The following LILRB4 variants were observed in gnomAD, a reference collection of about 807,000 sequenced individuals.
LILRB4 encodes leukocyte immunoglobulin like receptor B4.
A neutral mutation model predicts 55.2 loss-of-function variants in LILRB4; 49 were observed. The ratio of observed to expected loss-of-function variants is 0.89; its 90% CI spans 0.71 to 1.13. LILRB4 has a LOEUF of 1.13. Ranked by LOEUF, LILRB4 falls within the 50% of genes most tolerant of loss-of-function variation. The pLI, the probability that LILRB4 is intolerant of heterozygous loss-of-function variation, is 0.00. For synonymous variants in LILRB4, 229 were observed against 213.8 expected (o/e 1.07, Z -0.62); for missense variants, 590 against 555.2 (o/e 1.06, Z -0.63).
In LILRB4 at chr19:54,665,858, C is replaced by T; in HGVS notation, c.801C>T (p.Val267=). ...AGGTACTGATCGGGGTCTTGGTGGT[C>T]TCCATCCTGCTTCTCTCCCTCCTCC... Residue 267 remains valine, a synonymous_variant, in exon 7 of 12, where the codon GTC becomes GTT. Transcript: ENST00000430952. This position sits in a 1 kb window ranked among gnomAD's most constrained non-coding sequence, Gnocchi z 5.5. 1.2e-6 allele frequency: 2 copies of T among 1,613,652 alleles called. No individual in the cohort carries two copies. Among genetic ancestry groups the T allele is most frequent in the Non-Finnish European group, 1.7e-6 (2 of 1,179,820 alleles).
chr19:54,665,121 C>T lies in LILRB4; in HGVS notation c.707-9C>T. 6.2e-7 allele frequency: 1 copy of T among 1,609,778 alleles called. No homozygotes were observed. The highest frequency in any genetic ancestry group is 1.1e-5 in the South Asian group (1 of 90,710). On this transcript the variant is annotated splice_polypyrimidine_tract_variant and intron_variant, in intron 5 of 11. Coordinates refer to ENST00000430952, the Ensembl canonical transcript of LILRB4. The surrounding 1 kb of genome is among the most constrained non-coding windows in gnomAD (Gnocchi z 5.5). ...CAGCCCCAGCCCTCACATCCCTGTT[C>T]TAACCCAGCAGGCCCTGAGGACCAG...
intron 11 of LILRB4, 31 bp from the exon 12 acceptor site, chr19:54,667,842 G>T: frequency 7.4e-7 from 1 of 1,343,950 alleles, no homozygotes; most frequent in South Asian, 1.2e-5. Flanking sequence ...CCCCCACCAC[G>T]TTCCTTCCCT....
Position 54,666,887 on chromosome 19 carries a change from C to A in LILRB4, c.1041+138C>A, listed in dbSNP as rs2065296520. The A allele has an allele frequency of 1.0e-5, 9 of 880,360 alleles. No homozygotes were observed. Among genetic ancestry groups the A allele is most frequent in the East Asian group, 2.4e-5 (1 of 41,452 alleles). The allele number at this position is 880,360 out of a possible 1,614,324, so 54.5% of individuals were successfully genotyped here. On this transcript the variant is annotated intron_variant, in intron 10 of 11. Transcript: ENST00000430952. This position sits in a 1 kb window ranked among gnomAD's most constrained non-coding sequence, Gnocchi z 4.8. The stretch of plus-strand genomic sequence containing the variant: ...TCCTTGTCCAGCACGCTGCCTCCTG[C>A]CTGCTGGGACCTCACTCTCTCCTGC...
At position 54,665,099 on chromosome 19, in the gene LILRB4, C is replaced by G; in HGVS notation, c.707-31C>G. ...CGAGCTGATGTGGGGAGCAGGGCAG[C>G]CCCAGCCCTCACATCCCTGTTCTAA... On this transcript the variant is annotated intron_variant, in intron 5 of 11. Transcript: ENST00000430952. This position sits in a 1 kb window ranked among gnomAD's most constrained non-coding sequence, Gnocchi z 5.5. The G allele has an allele frequency of 6.2e-7, 1 of 1,607,880 alleles. No homozygotes were observed. Among genetic ancestry groups the G allele is most frequent in the African/African-American group, 1.3e-5 (1 of 74,798 alleles).
At chr19:54,667,247 G>A (rs2065322561) in intron 10 of LILRB4, 1 of 577,282 alleles carries the variant, frequency 1.7e-6, no homozygotes, top group South Asian at 1.6e-5. Flanking sequence ...GTAAAGGGCA[G>A]AGAGTGTGGG....
intron 1 of LILRB4, among the ~76,000 whole-genome samples, chr19:54,663,297 T>A (rs1049922417): frequency 6.6e-6 from 1 of 151,400 alleles, no homozygotes; most frequent in Non-Finnish European, 1.5e-5. Context: ...ATACAAAAAA[T>A]TAGCCGGGGG....
At chr19:54,668,147 C>A in exon 12 of LILRB4, 2 of 1,098,100 alleles carry the variant, frequency 1.8e-6, no homozygotes, top group Admixed American at 2.4e-5. Flanking sequence ...TAGAAGATTC[C>A]GGGAACGTTG....
At position 54,665,584 on chromosome 19, in the gene LILRB4, C is replaced by T. The variant is rs2065228381; in HGVS notation, c.758-231C>T. 6.6e-6 allele frequency among the ~76,000 whole-genome samples: 1 copy of T among 152,180 alleles called. No homozygotes were observed. The highest frequency in any genetic ancestry group is 1.9e-4 in the East Asian group (1 of 5,202). On this transcript the variant is annotated intron_variant, in intron 6 of 11. Coordinates refer to ENST00000430952, the Ensembl canonical transcript of LILRB4. This position sits in a 1 kb window ranked among gnomAD's most constrained non-coding sequence, Gnocchi z 5.5. ...CAGCTCAGACTCCCGGGTTTCCTTC[C>T]CAGCTCTGCCGCTTCCTGGCTGGAG... is the stretch of plus-strand genomic sequence containing the variant.
chr19:54,666,449 CAGAGAAGG>C lies in LILRB4; in HGVS notation c.988+14_988+21del. ...GGAGAAAACTTCTGTGAGTGAGAGGCAGAGAAGGTGCACCTGGGGTGGAGCTGGGGGTC... is the reference window on the plus strand; with the variant it reads ...GGAGAAAACTTCTGTGAGTGAGAGGCTGCACCTGGGGTGGAGCTGGGGGTC... On this transcript the variant is annotated intron_variant, in intron 9 of 11. Transcript: ENST00000430952. This position sits in a 1 kb window ranked among gnomAD's most constrained non-coding sequence, Gnocchi z 4.8. 1 of 1,614,024 alleles carries C rather than the reference CAGAGAAGG, an allele frequency of 6.2e-7. No individual in the cohort carries two copies. The highest frequency in any genetic ancestry group is 8.5e-7 in the Non-Finnish European group (1 of 1,179,892).
rs372007098 is a variant in LILRB4 at position 54,663,086 on chromosome 19, G to T, written c.34+19G>T. ...TGCCTCGGTGAGATTTAAAGAGGGG[G>T]AGGGGAGACCCGAGTCTTGGAGGAA... On this transcript the variant is annotated intron_variant, in intron 1 of 11. Coordinates refer to ENST00000430952, the Ensembl canonical transcript of LILRB4. 4 of 1,606,144 alleles carry T rather than the reference G, an allele frequency of 2.5e-6. No individual in the cohort carries two copies. Among genetic ancestry groups the T allele is most frequent in the Non-Finnish European group, 3.4e-6 (4 of 1,175,268 alleles).
chr19:54,663,650 C>T (rs2065118714), intron 2 of LILRB4, 83 bp downstream of exon 2: 4 of 1,610,886 alleles, frequency 2.5e-6, no homozygotes, highest in African/African-American at 1.3e-5. Context: ...GAGGAGACAG[C>T]AGTTCTGGGT....
At chr19:54,664,302 G>A (rs868643322) in exon 4 of LILRB4, 2 of 1,614,036 alleles carry the variant, frequency 1.2e-6, no homozygotes, top group African/African-American at 2.7e-5. Flanking sequence ...TCTGATCAAG[G>A]AGCGGGCAGC....
intron 5 of LILRB4, 128 bp downstream of exon 5, chr19:54,664,977 C>G (rs1377729600): frequency 1.5e-6 from 2 of 1,350,436 alleles, no homozygotes; most frequent in Admixed American, 3.8e-5. Context: ...GGGAGTCGGG[C>G]AGCGACTTGG....
chr19:54,667,856 A>G lies in LILRB4; in HGVS notation c.1198-17A>G. ...ACCCCCACCACGTTCCTTCCCTCTC[A>G]CTCTCCCCCGCTGCAGGCTGCTGCA... On this transcript the variant is annotated splice_polypyrimidine_tract_variant and intron_variant, in intron 11 of 11. Transcript: ENST00000430952. 6.7e-7 allele frequency: 1 copy of G among 1,495,032 alleles called. No individual in the cohort carries two copies. Among genetic ancestry groups the G allele is most frequent in the Non-Finnish European group, 8.9e-7 (1 of 1,125,862 alleles). The allele number at this position is 1,495,032 out of a possible 1,614,324, so 92.6% of individuals were successfully genotyped here. A position where few individuals can be genotyped will look rare whatever the true frequency, so the allele number is the denominator to read the frequency against.
At chr19:54,663,962 A>G in exon 3 of LILRB4, 1 of 1,614,124 alleles carries the variant, frequency 6.2e-7, no homozygotes, top group Admixed American at 1.7e-5. Flanking sequence ...AGGACTATGC[A>G]GGGAGATACC....
intron 10 of LILRB4, 157 bp from the exon 11 acceptor site, chr19:54,667,478 A>C: frequency 7.1e-7 from 1 of 1,399,640 alleles, no homozygotes; most frequent in Non-Finnish European, 9.5e-7. Context: ...GACCAGAACC[A>C]CAGGGAGGGA....
Position 54,667,544 on chromosome 19 carries a change from T to C in LILRB4, c.1042-94T>C, listed in dbSNP as rs563989694. 1.2e-5 allele frequency: 19 copies of C among 1,576,186 alleles called. No individual in the cohort carries two copies. The East Asian group carries it at 2.2e-4, about 19-fold the overall frequency. On this transcript the variant is annotated intron_variant, in intron 10 of 11. Transcript: ENST00000430952. Reference sequence around the variant, plus strand: ...CCCTGAGATTCCGTCAGGAAAGGGATGTAATCGGATCACCCTGGGAACAGT... The same window carrying C: ...CCCTGAGATTCCGTCAGGAAAGGGACGTAATCGGATCACCCTGGGAACAGT...
rs146936423 is a variant in LILRB4 at position 54,667,710 on chromosome 19, G to A, written c.1114G>A (p.Ala372Thr). ...ACACTCCAGACCTAGGAGAGAAATG[G>A]CCTCTCCTCCCTCCCCACTGTCTGG... The change falls in exon 11 of 12, where the codon GCC becomes ACC. Residue 372 changes from alanine (A) to threonine (T), a missense_variant. Transcript: ENST00000430952. 1.3e-5 allele frequency: 21 copies of A among 1,610,896 alleles called. No homozygotes were observed. The East Asian group carries it at 3.3e-4, about 26-fold the overall frequency.
Position 54,666,143 on chromosome 19 carries a change from C to A in LILRB4, c.875-97C>A. 1 of 1,315,212 alleles carries A rather than the reference C, an allele frequency of 7.6e-7. No homozygotes were observed. The highest frequency in any genetic ancestry group is 1.1e-6 in the Non-Finnish European group (1 of 950,658). 81.5% of individuals were successfully genotyped at this position (1,315,212 alleles called of 1,614,324 possible). A position where few individuals can be genotyped will look rare whatever the true frequency, so the allele number is the denominator to read the frequency against. The stretch of plus-strand genomic sequence containing the variant: ...TTAGAAAGTATTTAAAACATCCTTG[C>A]AAGTGTATTTTCAGGTTTCCTTTCC... On this transcript the variant is annotated intron_variant, in intron 7 of 11. Transcript: ENST00000430952. The surrounding 1 kb of genome is among the most constrained non-coding windows in gnomAD (Gnocchi z 4.8).
Sources: gnomAD v4.1 joint callset for allele counts (sites outside exome capture counted in the v4.1 genomes callset) on GRCh38, gnomAD v4.1.1 for gene constraint, Gnocchi (gnomAD v3.1) non-coding constraint, MANE v1.5 for transcripts, NCBI Gene and HGNC (gene_info 2026-07-23, HGNC 2026-07-21) for gene names.